Variants in HCN2 observed in about 807,000 individuals in gnomAD.
HCN2 encodes hyperpolarization activated cyclic nucleotide gated potassium and sodium channel 2.
A neutral mutation model predicts 52.3 loss-of-function variants in HCN2; 20 were observed. The ratio of observed to expected loss-of-function variants is 0.38; its 90% confidence interval spans 0.27 to 0.56. The LOEUF is 0.56. HCN2 is among the 20% of genes least tolerant of loss of function. The probability of loss-of-function intolerance (pLI) is 0.71; values close to 1 mark genes in which losing one functional copy is unlikely to be tolerated. For missense variants in HCN2, 981 were observed against 1,207.7 expected (o/e 0.81, Z 2.78); for synonymous variants, 694 against 537.0 (o/e 1.29, Z -4.04).
intron 1 of HCN2, among the ~76,000 whole-genome samples, chr19:599,847 C>CATGTGTGT (rs1983147858): frequency 1.5e-5 from 2 of 133,302 alleles, no homozygotes; most frequent in South Asian, 5.0e-4. Flanking sequence ...GAAGGGGTCC[C>CATGTGTGT]GTGTGTGTGT....
chr19:590,864 T>C lies in HCN2; in HGVS notation c.632+287T>C, dbSNP rs565897208. ...GGTGGGGTGGGCCGCAGGGCCAGGG[T>C]CTGAGCGCAGAGGGGCAGAGAGGAC... On this transcript the variant is annotated intron_variant, in intron 1 of 7. Coordinates refer to ENST00000251287, the MANE Select transcript of HCN2 (RefSeq NM_001194.4). The surrounding 1 kb of genome is among the most constrained non-coding windows in gnomAD (Gnocchi z 7.2). 1 of 223,186 alleles carries C rather than the reference T, an allele frequency of 4.5e-6. No individual in the cohort carries two copies. Among genetic ancestry groups the C allele is most frequent in the African/African-American group, 2.3e-5 (1 of 43,050 alleles). The allele number at this position is 223,186 out of a possible 1,614,324, so 13.8% of individuals were successfully genotyped here. A position where few individuals can be genotyped will look rare whatever the true frequency, so the allele number is the denominator to read the frequency against.
chr19:609,861 C>T (rs1004083277), intron 4 of HCN2, among the ~76,000 whole-genome samples: 6 of 152,166 alleles, frequency 3.9e-5, no homozygotes, highest in Admixed American at 2.6e-4. Context: ...GATTGCACCA[C>T]TGCACTCCAG....
chr19:593,983 C>T (rs1465140476), intron 1 of HCN2, among the ~76,000 whole-genome samples: 3 of 152,186 alleles, frequency 2.0e-5, no homozygotes, highest in African/African-American at 7.2e-5. Context: ...TCACCCCAGC[C>T]GCCGCTGATT....
chr19:613,702 G>GATGGGA (rs1983765985), intron 6 of HCN2, 150 bp from the exon 7 acceptor site: 1 of 464,546 alleles, frequency 2.2e-6, no homozygotes, highest in Admixed American at 6.8e-5. Flanking sequence ...CGGGGATGGG[G>GATGGGA]CCGGGGATGG....
chr19:613,822 C>T (rs761015594), intron 6 of HCN2, 30 bp from the exon 7 acceptor site: 32 of 1,487,030 alleles, frequency 2.2e-5, no homozygotes, highest in Non-Finnish European at 2.8e-5. Flanking sequence ...CCGCCTCGTC[C>T]AGCAACCCCC....
chr19:612,547 G>T (rs939465830), intron 5 of HCN2, among the ~76,000 whole-genome samples: 6 of 151,908 alleles, frequency 3.9e-5, no homozygotes, highest in Non-Finnish European at 7.4e-5. Flanking sequence ...CCGAGTAGCT[G>T]GGATTACAGG....
rs1024796043 is a variant in HCN2 at position 616,527 on chromosome 19, C to T, written c.*53C>T. ...GCGGGCCGGGGGCGGGGCCGTCATC[C>T]AGACCAAAGCCATGCCATTGCGCTG... On this transcript the variant is annotated 3_prime_UTR_variant, in exon 8 of 8. Transcript: ENST00000251287. 3 of 1,082,544 alleles carry T rather than the reference C, an allele frequency of 2.8e-6. No homozygotes were observed. The highest frequency in any genetic ancestry group is 4.6e-5 in the East Asian group (1 of 21,954). 67.1% of individuals were successfully genotyped at this position (1,082,544 alleles called of 1,614,324 possible). A position where few individuals can be genotyped will look rare whatever the true frequency, so the allele number is the denominator to read the frequency against.
chr19:605,337 AC>A (rs1983388988), intron 3 of HCN2, 115 bp downstream of exon 3: 1 of 808,454 alleles, frequency 1.2e-6, no homozygotes. Context: ...AGAGGTGGGG[AC>A]CCAGGCGCCC....
In HCN2 at chr19:592,719, G is replaced by A. The variant is rs1982909352; in HGVS notation, c.632+2142G>A. ...AGGACCCTCCCCAGGCTTGGGACCT[G>A]TGCCAGTGTGGAATCAGTGTGGAAA... On this transcript the variant is annotated intron_variant, in intron 1 of 7. Coordinates refer to ENST00000251287, the MANE Select transcript of HCN2 (RefSeq NM_001194.4). The surrounding 1 kb of genome is among the most constrained non-coding windows in gnomAD (Gnocchi z 4.8). 6.6e-6 allele frequency among the ~76,000 whole-genome samples: 1 copy of A among 152,174 alleles called. No homozygotes were observed. Among genetic ancestry groups the A allele is most frequent in the South Asian group, 2.1e-4 (1 of 4,836 alleles).
intron 3 of HCN2, among the ~76,000 whole-genome samples, chr19:606,588 C>T (rs1003664793): frequency 6.6e-6 from 1 of 152,104 alleles, no homozygotes; most frequent in African/African-American, 2.4e-5. Context: ...CATGGCTGCT[C>T]ATGCCTGTAA....
At chr19:615,717 G>A in intron 7 of HCN2, 78 bp from the exon 8 acceptor site, 3 of 1,426,364 alleles carry the variant, frequency 2.1e-6, no homozygotes, top group Admixed American at 1.7e-5. Context: ...GCGCACCCGC[G>A]GTGCAGAGTA....
chr19:616,444 C>T lies in HCN2; in HGVS notation c.2640C>T (p.Ser880=), dbSNP rs894939849. ...GAAGGLDPQD[S]ARSRLSSNL ...CCGGCGGCCTGGACCCCCAGGACTCCGCGCGCTCGCGCCTCTCGTCCAACT... is the reference window on the plus strand; with the variant it reads ...CCGGCGGCCTGGACCCCCAGGACTCTGCGCGCTCGCGCCTCTCGTCCAACT... Residue 880 remains serine (S), a synonymous_variant, in exon 8 of 8, where the codon TCC becomes TCT. Coordinates refer to ENST00000251287, the MANE Select transcript of HCN2 (RefSeq NM_001194.4). The T allele has an allele frequency of 3.6e-5, 45 of 1,244,510 alleles. No individual in the cohort carries two copies. Among genetic ancestry groups the T allele is most frequent in the Admixed American group, 8.8e-5 (2 of 22,836 alleles). 77.1% of individuals were successfully genotyped at this position (1,244,510 alleles called of 1,614,324 possible).
rs1425948713 is a variant in HCN2, at chr19:616,364, G to A, written c.2560G>A (p.Ala854Thr). The change falls in exon 8 of 8, where the codon GCC becomes ACC. Residue 854 changes from alanine (A) to threonine (T), a missense_variant. Physicochemically the swap from Ala to Thr is moderately conservative, Grantham distance 58 (BLOSUM62 0). Transcript: ENST00000251287. ...STPRLGPTPA[A>T]RAAAPSPDRR... ...ACCGCGCTTGGGGCCCACGCCCGCTGCCCGGGCCGCCGCGCCCAGCCCGGA... is the reference window on the plus strand; with the variant it reads ...ACCGCGCTTGGGGCCCACGCCCGCTACCCGGGCCGCCGCGCCCAGCCCGGA... 1.1e-5 allele frequency: 13 copies of A among 1,221,324 alleles called. No homozygotes were observed. Among genetic ancestry groups the A allele is most frequent in the Non-Finnish European group, 1.3e-5 (13 of 970,620 alleles). The allele number at this position is 1,221,324 out of a possible 1,614,324, so 75.7% of individuals were successfully genotyped here.
At chr19:600,097 A>G (rs1384846117) in intron 1 of HCN2, among the ~76,000 whole-genome samples, 1 of 152,156 alleles carries the variant, frequency 6.6e-6, no homozygotes, top group Non-Finnish European at 1.5e-5. Flanking sequence ...CACGCAGGCC[A>G]TGTGGGCTCA....
At chr19:611,202 G>A (rs1983621293) in intron 5 of HCN2, among the ~76,000 whole-genome samples, 1 of 152,238 alleles carries the variant, frequency 6.6e-6, no homozygotes, top group Non-Finnish European at 1.5e-5. Flanking sequence ...CTTTCTGGGA[G>A]ATGTAGTTCA....
chr19:605,939 C>T (rs1983413745), intron 3 of HCN2, among the ~76,000 whole-genome samples: 1 of 152,176 alleles, frequency 6.6e-6, no homozygotes, highest in Non-Finnish European at 1.5e-5. Flanking sequence ...CCTTAATGTC[C>T]CTGGGGGTCT....
chr19:615,889 C>A lies in HCN2; in HGVS notation c.2085C>A (p.Val695=), dbSNP rs369420875. Residue 695 remains valine, a synonymous_variant, in exon 8 of 8, where the codon GTC becomes GTA. Transcript: ENST00000251287. ...AGAACGCCATCATCCAGGAGATCGTCAAGTACGACCGCGAGATGGTGCAGC... is the reference window on the plus strand; with the variant it reads ...AGAACGCCATCATCCAGGAGATCGTAAAGTACGACCGCGAGATGGTGCAGC... ...NQENAIIQEI[V]KYDREMVQQA... The A allele has an allele frequency of 6.2e-7, 1 of 1,612,862 alleles. No homozygotes were observed. The highest frequency in any genetic ancestry group is 1.7e-5 in the Admixed American group (1 of 60,012).
chr19:596,385 C>T lies in HCN2; in HGVS notation c.632+5808C>T, dbSNP rs578163352. Among the ~76,000 whole-genome samples the T allele has an allele frequency of 3.2e-3, 486 of 152,234 alleles. 2 individuals carry two copies. The highest frequency in any genetic ancestry group is 3.4e-3 in the Middle Eastern group (1 of 294). On this transcript the variant is annotated intron_variant, in intron 1 of 7. Coordinates refer to ENST00000251287, the MANE Select transcript of HCN2 (RefSeq NM_001194.4). ...GTGAGAGGGGGTCCGAGGCTTCTTC[C>T]GGTCCCCCAGGTGTGAGAGCTGAGG...
chr19:615,658 A>T, intron 7 of HCN2, 137 bp from the exon 8 acceptor site: 1 of 763,844 alleles, frequency 1.3e-6, no homozygotes, highest in South Asian at 1.5e-5. Context: ...TGCTTATTGT[A>T]TACAGTAGGT....
Sources: gnomAD v4.1 joint callset for allele counts (sites outside exome capture counted in the v4.1 genomes callset) on GRCh38, gnomAD v4.1.1 for gene constraint, Gnocchi (gnomAD v3.1) non-coding constraint, MANE v1.5 for transcripts, NCBI Gene and HGNC (gene_info 2026-07-23, HGNC 2026-07-21) for gene names.